MCTP1: variants seen among roughly 807,000 people sequenced by gnomAD.
MCTP1 encodes the protein multiple C2 and transmembrane domain-containing protein 1.
MCTP1 carries 69 observed loss-of-function variants against 120.6 expected under a neutral mutation model. The ratio of observed to expected loss-of-function variants is 0.57; its 90% confidence interval spans 0.47 to 0.70. The LOEUF (loss-of-function observed/expected upper bound fraction) is 0.70, where lower values mean the gene tolerates loss of function less well. MCTP1 is among the 30% of genes least tolerant of loss of function. The probability of loss-of-function intolerance (pLI) is 0.00; values close to 1 mark genes in which losing one functional copy is unlikely to be tolerated. For missense variants in MCTP1, 1,203 were observed against 1,248.8 expected, an observed-to-expected ratio of 0.96 and a Z score of 0.55; for synonymous variants, 529 against 493.1, an observed-to-expected ratio of 1.07 and a Z score of -0.96.
chr5:94,881,294 A>G (rs1800012720), intron 12 of MCTP1, among the ~76,000 whole-genome samples: 1 of 152,116 alleles, frequency 6.6e-6, no homozygotes, highest in South Asian at 2.1e-4. Context: ...ACTAACCTCC[A>G]GAGACTGAAC....
At chr5:95,178,199 A>G (rs1282736941) in intron 1 of MCTP1, among the ~76,000 whole-genome samples, 1 of 152,096 alleles carries the variant, frequency 6.6e-6, no homozygotes, top group Non-Finnish European at 1.5e-5. Flanking sequence ...AGCAAGGCCC[A>G]CCCAAGGAGA....
chr5:94,975,533 C>A (rs1307126199), intron 2 of MCTP1, among the ~76,000 whole-genome samples: 2 of 151,892 alleles, frequency 1.3e-5, no homozygotes, highest in African/African-American at 2.4e-5. Context: ...GGCTTTAGAA[C>A]TGTGAGAAAT....
At chr5:95,081,796 C>T (rs1161009268) in intron 1 of MCTP1, 3 of 1,081,438 alleles carry the variant, frequency 2.8e-6, no homozygotes, top group South Asian at 8.7e-5. Flanking sequence ...TTCTAAAATA[C>T]TCACATTAAA....
At chr5:95,004,983 A>C (rs903140153) in intron 2 of MCTP1, among the ~76,000 whole-genome samples, 1 of 152,192 alleles carries the variant, frequency 6.6e-6, no homozygotes, top group Non-Finnish European at 1.5e-5. Flanking sequence ...GGCACTCAAC[A>C]CCAACTGGTG....
At chr5:95,082,283 A>G (rs1755034114) in intron 1 of MCTP1, among the ~76,000 whole-genome samples, 1 of 152,208 alleles carries the variant, frequency 6.6e-6, no homozygotes, top group Non-Finnish European at 1.5e-5. Flanking sequence ...AACATGACTA[A>G]TGATACAACT....
At chr5:94,904,464 T>G (rs896090161) in intron 10 of MCTP1, among the ~76,000 whole-genome samples, 1 of 152,206 alleles carries the variant, frequency 6.6e-6, no homozygotes, top group African/African-American at 2.4e-5. Flanking sequence ...TATGGTAAAT[T>G]TACTTTTGTG....
chr5:94,722,151 T>C (rs1426837440), intron 19 of MCTP1, among the ~76,000 whole-genome samples: 1 of 152,182 alleles, frequency 6.6e-6, no homozygotes, highest in African/African-American at 2.4e-5. Context: ...TTTTGAGATA[T>C]TTAAGAAAAT....
chr5:95,115,196 A>G (rs892008594), intron 1 of MCTP1, among the ~76,000 whole-genome samples: 45 of 152,226 alleles, frequency 3.0e-4, no homozygotes, highest in African/African-American at 1.1e-3. Context: ...TATAGTAAAT[A>G]CTTAACTGTT....
chr5:95,163,945 G>T (rs1746035914), intron 1 of MCTP1, among the ~76,000 whole-genome samples: 2 of 152,066 alleles, frequency 1.3e-5, no homozygotes, highest in African/African-American at 4.8e-5. Context: ...CTAGTTTATG[G>T]TAAGAGGTTT....
intron 6 of MCTP1, chr5:94,931,595 A>T (rs1265499091): frequency 5.2e-6 from 1 of 191,906 alleles, no homozygotes; most frequent in Non-Finnish European, 1.1e-5. Context: ...TGACCCCCCA[A>T]AATAAAATAA....
chr5:95,235,514 G>A (rs1455436094), intron 1 of MCTP1, among the ~76,000 whole-genome samples: 1 of 151,416 alleles, frequency 6.6e-6, no homozygotes, highest in Non-Finnish European at 1.5e-5. Flanking sequence ...GGAAGAAGTA[G>A]AAACACTTTC....
chr5:95,135,097 A>T lies in MCTP1; in HGVS notation c.721-117613T>A, dbSNP rs368291959. The stretch of plus-strand genomic sequence containing the variant: ...GATACTGAGGTATGTGAAAATCAGT[A>T]TTTCACTAGATCAGGCATAGTTCCA... On this transcript the variant is annotated intron_variant, in intron 1 of 22. Transcript: ENST00000515393. Among the ~76,000 whole-genome samples the T allele has an allele frequency of 4.7e-5, 7 of 150,418 alleles. 1 individual carries two copies. The highest frequency in any genetic ancestry group is 1.3e-4 in the Admixed American group (2 of 14,982).
At chr5:95,028,359 T>C (rs980192486) in intron 1 of MCTP1, among the ~76,000 whole-genome samples, 22 of 152,168 alleles carry the variant, frequency 1.4e-4, no homozygotes, top group Admixed American at 7.2e-4. Context: ...GTTTTTGAAC[T>C]GAACTACAAC....
chr5:94,827,198 T>A (rs938720102), intron 17 of MCTP1, among the ~76,000 whole-genome samples: 17 of 152,158 alleles, frequency 1.1e-4, no homozygotes, highest in African/African-American at 4.1e-4. Context: ...TGCTTGTCTG[T>A]AAAGGATTTT....
chr5:95,243,795 AG>A (rs1184591756), intron 1 of MCTP1, among the ~76,000 whole-genome samples: 1 of 152,250 alleles, frequency 6.6e-6, no homozygotes, highest in Middle Eastern at 3.2e-3. Flanking sequence ...AGTGGCAAGC[AG>A]GGAAAGTTAA....
chr5:94,860,886 A>T (rs559363263), intron 17 of MCTP1, among the ~76,000 whole-genome samples: 22 of 151,792 alleles, frequency 1.4e-4, no homozygotes, highest in Admixed American at 5.9e-4. Flanking sequence ...TGAAAAAAAA[A>T]ATATAGAGAA....
At chr5:94,974,505 T>A (rs546629777) in intron 2 of MCTP1, among the ~76,000 whole-genome samples, 8 of 152,100 alleles carry the variant, frequency 5.3e-5, no homozygotes, top group Admixed American at 5.2e-4. Flanking sequence ...GCTCTCATTG[T>A]GCCACTGTAC....
At chr5:95,037,022 T>C (rs1431117642) in intron 1 of MCTP1, among the ~76,000 whole-genome samples, 1 of 152,204 alleles carries the variant, frequency 6.6e-6, no homozygotes, top group Non-Finnish European at 1.5e-5. Context: ...TCAAAGACTA[T>C]CATAGAGACA....
At chr5:95,265,165 G>C (rs575373221) in intron 1 of MCTP1, among the ~76,000 whole-genome samples, 1 of 152,242 alleles carries the variant, frequency 6.6e-6, no homozygotes, top group East Asian at 1.9e-4. Context: ...TAGCTCCCAA[G>C]CATGGCCCAG....
Sources: allele counts gnomAD v4.1 joint callset (sites outside exome capture counted in the v4.1 genomes callset), GRCh38; gene constraint gnomAD v4.1.1; transcripts MANE v1.5; gene names NCBI Gene and HGNC (gene_info 2026-07-23, HGNC 2026-07-21).